Variants in WDR19 observed in about 807,000 individuals in gnomAD.
WDR19 encodes WD repeat domain 19.
A neutral mutation model predicts 180.0 loss-of-function variants in WDR19; 121 were observed. The ratio of observed to expected loss-of-function variants is 0.67; its 90% CI spans 0.58 to 0.78. WDR19 has a LOEUF of 0.78. Among genes scored for constraint, WDR19 ranks in the 30% least tolerant of loss-of-function variants. The pLI is 0.00. For missense variants in WDR19, 1,450 were observed against 1,640.7 expected (o/e 0.88, Z 2.01); for synonymous variants, 497 against 540.7 (o/e 0.92, Z 1.12).
chr4:39,188,618 CAAA>C (rs60149380), intron 3 of WDR19, among the ~76,000 whole-genome samples: 8 of 81,148 alleles, frequency 9.9e-5, no homozygotes, highest in Non-Finnish European at 1.5e-4. Flanking sequence ...GACCTTGTCT[CAAA>C]AAAAAAAAAA....
chr4:39,268,161 G>A, intron 30 of WDR19, 70 bp downstream of exon 30: 1 of 1,290,724 alleles, frequency 7.7e-7, no homozygotes, highest in Admixed American at 2.3e-5. Flanking sequence ...CCTTTTCTGT[G>A]TAGGAAAGAG....
intron 25 of WDR19, 142 bp from the exon 26 acceptor site, chr4:39,253,764 G>C: frequency 1.7e-6 from 1 of 599,734 alleles, no homozygotes; most frequent in East Asian, 3.7e-5. Flanking sequence ...GGGTGACAGA[G>C]TGTGACTCCA....
chr4:39,246,430 C>T (rs968246379), intron 24 of WDR19, among the ~76,000 whole-genome samples: 23 of 152,264 alleles, frequency 1.5e-4, no homozygotes, highest in African/African-American at 4.3e-4. Flanking sequence ...GCATGAGCGA[C>T]GCAGAAGACA....
chr4:39,220,615 A>G (rs1341696605), intron 14 of WDR19, among the ~76,000 whole-genome samples: 1 of 108,760 alleles, frequency 9.2e-6, no homozygotes, highest in East Asian at 2.5e-4. Context: ...CGCCCATGCA[A>G]TTCTCTGCCT....
chr4:39,252,317 A>T (rs1018991655), intron 24 of WDR19, among the ~76,000 whole-genome samples: 3 of 136,614 alleles, frequency 2.2e-5, no homozygotes, highest in Non-Finnish European at 4.6e-5. Context: ...ATGAGAACAC[A>T]TAGACACAGG....
chr4:39,182,789 T>A (rs1211026507), intron 1 of WDR19, among the ~76,000 whole-genome samples: 1 of 152,022 alleles, frequency 6.6e-6, no homozygotes, highest in Non-Finnish European at 1.5e-5. Flanking sequence ...CCTCTCGTTT[T>A]GGGGACTGCA....
chr4:39,214,478 T>A, intron 9 of WDR19, 123 bp from the exon 10 acceptor site: 1 of 563,612 alleles, frequency 1.8e-6, no homozygotes, highest in Non-Finnish European at 3.2e-6. Flanking sequence ...ACCCAGTAGA[T>A]CATTCTGTAC....
At chr4:39,275,339 CAAAA>C (rs1225402757) in intron 33 of WDR19, 225 of 106,830 alleles carry the variant, frequency 2.1e-3, no homozygotes, top group Middle Eastern at 4.5e-3. Context: ...GACCCCATCT[CAAAA>C]AAAAAAAAAA....
At chr4:39,230,711 G>A (rs1730752610) in intron 17 of WDR19, among the ~76,000 whole-genome samples, 2 of 152,182 alleles carry the variant, frequency 1.3e-5, no homozygotes, top group South Asian at 4.2e-4. Context: ...AGCAACTGTG[G>A]TTGATTTTTG....
chr4:39,184,747 T>C (rs1043939938), intron 1 of WDR19, among the ~76,000 whole-genome samples: 4 of 152,214 alleles, frequency 2.6e-5, no homozygotes, highest in Non-Finnish European at 5.9e-5. Context: ...TGTAACAGTA[T>C]CTAAATTTCA....
At chr4:39,280,119 GTTTTTTTTTTTT>G (rs551041321) in intron 36 of WDR19, among the ~76,000 whole-genome samples, 1 of 53,974 alleles carries the variant, frequency 1.9e-5, no homozygotes, top group African/African-American at 6.3e-5. Flanking sequence ...CCCTTTTCTT[GTTTTTTTTTTTT>G]TTTTTTTTTT....
rs534270828 is a variant in WDR19, at chr4:39,186,306, G to A, written c.99-233G>A. ...ACCAGCCTGGCCAACATGGTGAAACGCCATCTCTACAAAAATACAAAAATT... is the reference window on the plus strand; with the variant it reads ...ACCAGCCTGGCCAACATGGTGAAACACCATCTCTACAAAAATACAAAAATT... On this transcript the variant is annotated intron_variant, in intron 2 of 36. Transcript: ENST00000399820. 5.3e-5 allele frequency among the ~76,000 whole-genome samples: 8 copies of A among 151,516 alleles called. No homozygotes were observed. The East Asian group carries it at 1.4e-3, about 26-fold the overall frequency.
Position 39,250,079 on chromosome 4 carries a change from C to T in WDR19, c.2730-3067C>T, listed in dbSNP as rs375745296. On this transcript the variant is annotated intron_variant, in intron 24 of 36. Transcript: ENST00000399820. Reference sequence around the variant, plus strand: ...TTAGACCAATATCCTTGATGAACATCGATGCAAAAATCCTCAATAAAATAC... The same window carrying T: ...TTAGACCAATATCCTTGATGAACATTGATGCAAAAATCCTCAATAAAATAC... 5.2e-4 allele frequency among the ~76,000 whole-genome samples: 79 copies of T among 152,158 alleles called. 1 individual carries two copies. In the East Asian group the frequency reaches 9.7e-3, roughly 19 times the overall value.
At chr4:39,215,797 A>G (rs1476603092) in intron 10 of WDR19, 44 bp from the exon 11 acceptor site, 7 of 1,550,556 alleles carry the variant, frequency 4.5e-6, no homozygotes, top group Non-Finnish European at 5.3e-6. Flanking sequence ...GCCTGCAACT[A>G]TATATTGTTT....
At chr4:39,220,656 C>T (rs1156657317) in intron 14 of WDR19, among the ~76,000 whole-genome samples, 7 of 128,704 alleles carry the variant, frequency 5.4e-5, no homozygotes, top group Non-Finnish European at 1.1e-4. Context: ...ATTACAGGTA[C>T]CCGCCACCAC....
rs781091537 is a variant in WDR19, at chr4:39,231,832, A to G, written c.2018A>G (p.Asn673Ser). The G allele has an allele frequency of 8.7e-6, 14 of 1,600,324 alleles. No homozygotes were observed. Among genetic ancestry groups the G allele is most frequent in the Middle Eastern group, 1.7e-4 (1 of 6,044 alleles). The change falls in exon 18 of 37, where the codon AAT (asparagine) becomes AGT (serine). Residue 673 changes from asparagine to serine, a missense_variant. Physicochemically the swap from Asn to Ser is conservative, Grantham distance 46. Coordinates refer to ENST00000399820, the MANE Select transcript of WDR19 (RefSeq NM_025132.4). ...GCTTGGGAAATGTGCAGGATTCTGA[A>G]TGATGAGGCTGCCTGGAATGAGTTG... ...SDAWEMCRIL[N>S]DEAAWNELAR...
At chr4:39,198,296 C>T (rs1383126604) in intron 5 of WDR19, among the ~76,000 whole-genome samples, 1 of 152,136 alleles carries the variant, frequency 6.6e-6, no homozygotes, top group African/African-American at 2.4e-5. Context: ...TGGTGGCTCA[C>T]GCCTGTAATC....
intron 9 of WDR19, among the ~76,000 whole-genome samples, chr4:39,211,938 AGAGAGAGAGAGAGAGAG>A (rs1319300677): frequency 0.013 from 9 of 670 alleles, no homozygotes; most frequent in African/African-American, 0.015. Flanking sequence ...ACAGAGAGAG[AGAGAGAGAGAGAGAGAG>A]AGAGAGAGAG....
At position 39,245,764 on chromosome 4, in the gene WDR19, A is replaced by G. The variant is rs1185859553; in HGVS notation, c.2729+312A>G. On this transcript the variant is annotated intron_variant, in intron 24 of 36. Coordinates refer to ENST00000399820, the MANE Select transcript of WDR19 (RefSeq NM_025132.4). ...TTTTATTAAGAAGGATTATTATTTT[A>G]TAAATCACAGATGCAGGGGAAAAGA... 2.0e-5 allele frequency among the ~76,000 whole-genome samples: 3 copies of G among 152,236 alleles called. No individual in the cohort carries two copies. In the East Asian group the frequency reaches 5.8e-4, roughly 29 times the overall value.
Sources: gnomAD v4.1 joint callset for allele counts (sites outside exome capture counted in the v4.1 genomes callset) on GRCh38, gnomAD v4.1.1 for gene constraint, MANE v1.5 for transcripts, NCBI Gene and HGNC (gene_info 2026-07-23, HGNC 2026-07-21) for gene names.